Variants in PSMF1 observed in about 807,000 individuals in gnomAD.
PSMF1 encodes the protein proteasome inhibitor PI31 subunit.
Under a neutral mutation model 29.3 loss-of-function variants are expected in PSMF1, and 30 were observed. That is an observed-to-expected ratio of 1.02 (90% CI 0.77 to 1.39). PSMF1 has a LOEUF of 1.39. Ranked by LOEUF, PSMF1 falls within the 40% of genes most tolerant of loss-of-function variation. PSMF1 has a pLI of 0.00. For synonymous variants in PSMF1, 134 were observed against 139.7 expected, an observed-to-expected ratio of 0.96 and a Z score of 0.29; for missense variants, 344 against 357.5, an observed-to-expected ratio of 0.96 and a Z score of 0.31.
chr20:1,131,892 G>A (rs1260316524), intron 3 of PSMF1, among the ~76,000 whole-genome samples: 1 of 152,140 alleles, frequency 6.6e-6, no homozygotes, highest in African/African-American at 2.4e-5. Context: ...TGCCTAGGGA[G>A]ATCAGAGGCC....
intron 3 of PSMF1, among the ~76,000 whole-genome samples, chr20:1,133,672 A>G (rs1020297936): frequency 2.0e-5 from 3 of 149,088 alleles, no homozygotes; most frequent in African/African-American, 7.4e-5. Context: ...TATATTTTCT[A>G]GAAGTGACTG....
Position 1,163,298 on chromosome 20 carries a change from G to A in PSMF1, c.605+115G>A. ...AGTCTCTTCCTTTGGGGTGGAGGAG[G>A]CAGTTGTTGCTGAGCAGCTGAGAAA... On this transcript the variant is annotated intron_variant, in intron 5 of 6. Coordinates refer to ENST00000335877, the MANE Select transcript of PSMF1 (RefSeq NM_006814.5). The surrounding 1 kb of genome is among the most constrained non-coding windows in gnomAD (Gnocchi z 6.1). 8.4e-7 allele frequency: 1 copy of A among 1,193,444 alleles called. No individual in the cohort carries two copies. 73.9% of individuals were successfully genotyped at this position (1,193,444 alleles called of 1,614,324 possible). A position where few individuals can be genotyped will look rare whatever the true frequency, so the allele number is the denominator to read the frequency against.
At chr20:1,114,335 T>C (rs1182495465), upstream of PSMF1, among the ~76,000 whole-genome samples, 2 of 152,092 alleles carry the variant, frequency 1.3e-5, no homozygotes, top group Non-Finnish European at 2.9e-5. Flanking sequence ...CCTACTCCAC[T>C]GCCCCCACCG....
In PSMF1 at chr20:1,166,371, C is replaced by A. The variant is rs1280940843; in HGVS notation, c.*1291C>A. ...CATTTCAACCATATGTGGATCCTTT[C>A]ATTTCTCAGCTCCCTGGATTCCTTC... On this transcript the variant is annotated 3_prime_UTR_variant, in exon 7 of 7. Transcript: ENST00000335877. The A allele has an allele frequency of 5.4e-6, 6 of 1,107,838 alleles. No individual in the cohort carries two copies. The highest frequency in any genetic ancestry group is 2.6e-5 in the East Asian group (1 of 38,954). The allele number at this position is 1,107,838 out of a possible 1,614,324, so 68.6% of individuals were successfully genotyped here.
chr20:1,164,548 G>T lies in PSMF1; in HGVS notation c.764+72G>T. On this transcript the variant is annotated intron_variant, in intron 6 of 6. Coordinates refer to ENST00000335877, the MANE Select transcript of PSMF1 (RefSeq NM_006814.5). This position sits in a 1 kb window ranked among gnomAD's most constrained non-coding sequence, Gnocchi z 4.1. ...TTGGTTCAGTGTGGCAGCAATGAAG[G>T]TTTCTAGCCCCAGGCACAGAGCTGC... is the stretch of plus-strand genomic sequence containing the variant. 2.5e-6 allele frequency: 4 copies of T among 1,574,498 alleles called. No individual in the cohort carries two copies. The highest frequency in any genetic ancestry group is 2.6e-6 in the Non-Finnish European group (3 of 1,150,588).
chr20:1,114,059 C>A (rs2122412787), upstream of PSMF1, among the ~76,000 whole-genome samples: 1 of 152,314 alleles, frequency 6.6e-6, no homozygotes, highest in South Asian at 2.1e-4. Flanking sequence ...GCAGATCGCA[C>A]TACAACACCC....
chr20:1,132,967 T>C (rs1302242592), intron 3 of PSMF1, among the ~76,000 whole-genome samples: 8 of 87,644 alleles, frequency 9.1e-5, no homozygotes, highest in African/African-American at 3.1e-4. Context: ...TAGGGTTTTT[T>C]TGTTTTTTTT....
chr20:1,124,967 A>G (rs550814905), intron 1 of PSMF1, among the ~76,000 whole-genome samples: 174 of 152,310 alleles, frequency 1.1e-3, no homozygotes, highest in Non-Finnish European at 2.1e-3. Context: ...CTGATGTTCT[A>G]TTTCTTAAGC....
intron 2 of PSMF1, among the ~76,000 whole-genome samples, chr20:1,126,258 T>A: frequency 6.6e-6 from 1 of 152,264 alleles, no homozygotes; most frequent in Non-Finnish European, 1.5e-5. Flanking sequence ...GCCATGGGAC[T>A]ATAAGTGCCA....
intron 4 of PSMF1, among the ~76,000 whole-genome samples, chr20:1,155,340 C>T (rs983471189): frequency 3.9e-5 from 6 of 152,236 alleles, no homozygotes; most frequent in Non-Finnish European, 5.9e-5. Context: ...AGTCTGCAGA[C>T]ACCTAAAACT....
intron 4 of PSMF1, among the ~76,000 whole-genome samples, chr20:1,158,331 A>C (rs2086620497): frequency 6.6e-6 from 1 of 152,228 alleles, no homozygotes; most frequent in Non-Finnish European, 1.5e-5. Context: ...AAATCTGTTC[A>C]CCTGCAATGC....
intron 3 of PSMF1, among the ~76,000 whole-genome samples, chr20:1,127,748 G>A (rs924751118): frequency 6.6e-6 from 1 of 152,196 alleles, no homozygotes; most frequent in South Asian, 2.1e-4. Flanking sequence ...AGTGGTGGCT[G>A]CAGAGTAGAG....
intron 4 of PSMF1, among the ~76,000 whole-genome samples, chr20:1,158,618 C>G (rs977922966): frequency 2.6e-5 from 4 of 152,194 alleles, no homozygotes; most frequent in South Asian, 4.1e-4. Context: ...CATGAGTGTT[C>G]AGGATCCCTT....
At chr20:1,146,644 C>T (rs1165743567) in intron 4 of PSMF1, among the ~76,000 whole-genome samples, 6 of 150,458 alleles carry the variant, frequency 4.0e-5, no homozygotes, top group African/African-American at 1.2e-4. Context: ...CCTGCCCCAC[C>T]TCTCCCCCCA....
At chr20:1,151,737 T>G (rs1430404849) in intron 4 of PSMF1, among the ~76,000 whole-genome samples, 1 of 152,180 alleles carries the variant, frequency 6.6e-6, no homozygotes, top group Non-Finnish European at 1.5e-5. Flanking sequence ...TGAAGCACAT[T>G]AAAGAGTGAT....
chr20:1,118,612 C>A lies in PSMF1; in HGVS notation c.-162C>A. The A allele has an allele frequency of 1.2e-6, 1 of 862,598 alleles. No individual in the cohort carries two copies. Among genetic ancestry groups the A allele is most frequent in the Non-Finnish European group, 1.7e-6 (1 of 595,722 alleles). The allele number at this position is 862,598 out of a possible 1,614,324, so 53.4% of individuals were successfully genotyped here. A position where few individuals can be genotyped will look rare whatever the true frequency, so the allele number is the denominator to read the frequency against. On this transcript the variant is annotated 5_prime_UTR_variant, in exon 1 of 7. Coordinates refer to ENST00000335877, the MANE Select transcript of PSMF1 (RefSeq NM_006814.5). ...GTTGGGACTACTTCCGGCTTCCCCGCCCCGCCCCGTCCCCGGGCGTCTCCA... is the reference window on the plus strand; with the variant it reads ...GTTGGGACTACTTCCGGCTTCCCCGACCCGCCCCGTCCCCGGGCGTCTCCA...
chr20:1,139,191 GAAC>G (rs1053201451), intron 4 of PSMF1, among the ~76,000 whole-genome samples: 14 of 151,964 alleles, frequency 9.2e-5, no homozygotes, highest in African/African-American at 3.4e-4. Flanking sequence ...CATACGAAAA[GAAC>G]AACAACAAAA....
Position 1,127,507 on chromosome 20 carries a change from A to G in PSMF1, c.364A>G (p.Arg122Gly), listed in dbSNP as rs754449531. 1.9e-6 allele frequency: 3 copies of G among 1,584,038 alleles called. No homozygotes were observed. The South Asian group carries it at 3.3e-5, about 18-fold the overall frequency. ...IDAEHLGDFH[R>G]TYKNSEELRS... is the part of the protein sequence containing the mutation. ...TGCAGAACACCTGGGTGACTTCCAC[A>G]GGTACTTCTAAATGATGTCTCTTCC... The change falls in exon 3 of 7, where the codon AGG becomes GGG. Residue 122 changes from arginine (R) to glycine (G), a missense_variant and splice_region_variant. Arg to Gly is a moderately radical substitution (Grantham distance 125, BLOSUM62 -2). Coordinates refer to ENST00000335877, the MANE Select transcript of PSMF1 (RefSeq NM_006814.5).
chr20:1,133,430 T>C (rs1342974678), intron 3 of PSMF1, among the ~76,000 whole-genome samples: 1 of 150,820 alleles, frequency 6.6e-6, no homozygotes, highest in East Asian at 1.9e-4. Context: ...CTTGCATGCC[T>C]AGAACAAATC....
Sources: allele counts gnomAD v4.1 joint callset (sites outside exome capture counted in the v4.1 genomes callset), GRCh38; gene constraint gnomAD v4.1.1; non-coding constraint Gnocchi (gnomAD v3.1); transcripts MANE v1.5; gene names NCBI Gene and HGNC (gene_info 2026-07-23, HGNC 2026-07-21).